Variants in CRB1 observed in about 807,000 individuals in gnomAD.
CRB1 encodes protein crumbs homolog 1.
In CRB1, 83 loss-of-function variants were observed where a neutral mutation model predicts 120.0. The ratio of observed to expected loss-of-function variants is 0.69; its 90% CI spans 0.58 to 0.83. The LOEUF (loss-of-function observed/expected upper bound fraction) is 0.83. Among genes scored for constraint, CRB1 ranks in the 40% least tolerant of loss-of-function variants. The probability of loss-of-function intolerance (pLI) is 0.00; values close to 1 mark genes in which losing one functional copy is unlikely to be tolerated. For synonymous variants in CRB1, 625 were observed against 612.5 expected (o/e 1.02, Z -0.30); for missense variants, 1,699 against 1,687.6 (o/e 1.01, Z -0.12).
chr1:197,471,630 A>T (rs1666982521), intron 11 of CRB1, among the ~76,000 whole-genome samples: 1 of 152,194 alleles, frequency 6.6e-6, no homozygotes, highest in African/African-American at 2.4e-5. Flanking sequence ...CCTCCTCCTT[A>T]TCCCAGGACA....
At chr1:197,227,824 C>T in the CRB1 span, among the ~76,000 whole-genome samples, 1 of 152,200 alleles carries the variant, frequency 6.6e-6, no homozygotes, top group Non-Finnish European at 1.5e-5. Context: ...CCCGCTCCTG[C>T]AGCAAACTTT....
rs1215864611 is a variant in CRB1 at position 197,421,165 on chromosome 1, C to T, written c.1337C>T (p.Thr446Ile). Residue 446 changes from threonine (T) to isoleucine (I), a missense_variant, in exon 6 of 12, where the codon ACC becomes ATC. Thr to Ile is a moderately conservative substitution (Grantham distance 89). Coordinates refer to ENST00000367400, the MANE Select transcript of CRB1 (RefSeq NM_201253.3). Reference sequence around the variant, plus strand: ...TGTTCTGATATTCTCCTGGGCTGTACCCATCAGCAATGTCTAAATAATGGA... The same window carrying T: ...TGTTCTGATATTCTCCTGGGCTGTATCCATCAGCAATGTCTAAATAATGGA... ...RDCSDILLGC[T>I]HQQCLNNGTC... The T allele has an allele frequency of 1.9e-6, 3 of 1,614,084 alleles. No homozygotes were observed. In the South Asian group the frequency reaches 3.3e-5, roughly 18 times the overall value.
chr1:197,247,485 G>A, the CRB1 span, among the ~76,000 whole-genome samples: 1 of 151,964 alleles, frequency 6.6e-6, no homozygotes, highest in Non-Finnish European at 1.5e-5. Flanking sequence ...CCTTTCAAGG[G>A]CACTTAGCAG....
chr1:197,275,332 T>C (rs935386446), intron 1 of CRB1, among the ~76,000 whole-genome samples: 2 of 152,082 alleles, frequency 1.3e-5, no homozygotes, highest in East Asian at 1.9e-4. Context: ...AACTCTGATA[T>C]ATGATTTAAA....
the CRB1 span, among the ~76,000 whole-genome samples, chr1:197,228,967 C>A: frequency 6.6e-6 from 1 of 152,256 alleles, no homozygotes; most frequent in East Asian, 1.9e-4. Flanking sequence ...ACCATGAGAA[C>A]AGTATGAGGG....
intron 11 of CRB1, among the ~76,000 whole-genome samples, chr1:197,448,767 T>C (rs552186717): frequency 6.6e-6 from 1 of 152,342 alleles, no homozygotes; most frequent in Admixed American, 6.5e-5. Flanking sequence ...TATTTTGTAC[T>C]TCTTTTTCTA....
intron 5 of CRB1, among the ~76,000 whole-genome samples, chr1:197,369,147 C>G (rs1196391372): frequency 1.3e-5 from 2 of 152,094 alleles, no homozygotes; most frequent in African/African-American, 4.8e-5. Context: ...ATCTTGACAT[C>G]CCATGCTTTT....
intron 5 of CRB1, among the ~76,000 whole-genome samples, chr1:197,389,707 C>T (rs1662397461): frequency 7.2e-6 from 1 of 138,968 alleles, no homozygotes; most frequent in African/African-American, 2.4e-5. Flanking sequence ...TATATTTTAC[C>T]ACAATAAAAA....
chr1:197,432,357 AACACACACACACACACACACACAC>A (rs35921087), intron 8 of CRB1, among the ~76,000 whole-genome samples: 2 of 139,848 alleles, frequency 1.4e-5, no homozygotes, highest in African/African-American at 2.7e-5. Flanking sequence ...ACCTGGTTGA[AACACACACACACACACACACACAC>A]ACACACACAC....
chr1:197,389,831 T>A (rs1210046574), intron 5 of CRB1, among the ~76,000 whole-genome samples: 2 of 152,114 alleles, frequency 1.3e-5, no homozygotes, highest in Non-Finnish European at 2.9e-5. Flanking sequence ...TGAGGCATTT[T>A]GTTGCAGTTT....
intron 5 of CRB1, among the ~76,000 whole-genome samples, chr1:197,406,718 A>G (rs1010103044): frequency 2.6e-5 from 4 of 151,826 alleles, no homozygotes; most frequent in African/African-American, 9.7e-5. Flanking sequence ...TAACTTTAAA[A>G]TTAGAGGGAT....
rs541694389 is a variant in CRB1 at position 197,323,785 on chromosome 1, C to T, written c.71-4637C>T. ...CACTTGGTCCCTTACCCTACCTAAC[C>T]CTAACGCCCAAGACCTGATCCAAGC... On this transcript the variant is annotated intron_variant, in intron 1 of 11. Transcript: ENST00000367400. Among the ~76,000 whole-genome samples, 137 of 152,180 alleles carry T rather than the reference C, an allele frequency of 9.0e-4. 1 individual carries two copies. Among genetic ancestry groups the T allele is most frequent in the African/African-American group, 3.1e-3 (127 of 41,514 alleles).
the CRB1 span, among the ~76,000 whole-genome samples, chr1:197,225,664 C>T: frequency 6.6e-6 from 1 of 152,232 alleles, no homozygotes; most frequent in African/African-American, 2.4e-5. Flanking sequence ...CTCTTTTCCA[C>T]TACCTGCAAT....
rs140658046 is a variant in CRB1 at position 197,372,207 on chromosome 1, C to T, written c.1171+15194C>T. On this transcript the variant is annotated intron_variant, in intron 5 of 11. Coordinates refer to ENST00000367400, the MANE Select transcript of CRB1 (RefSeq NM_201253.3). ...ACATTTCAACTCTACTCCCCAGGGC[C>T]CTGGACTCAGCCAATTGTACATAAG... 7.2e-4 allele frequency among the ~76,000 whole-genome samples: 109 copies of T among 152,216 alleles called. No individual in the cohort carries two copies. In the East Asian group the frequency reaches 0.02, roughly 28 times the overall value.
intron 5 of CRB1, among the ~76,000 whole-genome samples, chr1:197,377,763 T>C (rs1661724681): frequency 6.6e-6 from 1 of 152,202 alleles, no homozygotes; most frequent in South Asian, 2.1e-4. Flanking sequence ...TTATATGAGC[T>C]TACATTTTTA....
rs2125469903 is a variant in CRB1 at position 197,421,353 on chromosome 1, A to G, written c.1525A>G (p.Asn509Asp). 1 of 1,614,244 alleles carries G rather than the reference A, an allele frequency of 6.2e-7. No individual in the cohort carries two copies. The highest frequency in any genetic ancestry group is 2.2e-5 in the East Asian group (1 of 44,886). The change falls in exon 6 of 12, where the codon AAC becomes GAC. Residue 509 changes from asparagine to aspartate, a missense_variant. Physicochemically the swap from Asn to Asp is conservative, Grantham distance 23 (BLOSUM62 1). Coordinates refer to ENST00000367400, the MANE Select transcript of CRB1 (RefSeq NM_201253.3). ...AGTGACAACCAAGGGCTCAGTTTGT[A>G]ACATAGCCCTCAGGTTTCAGACTGT... ...GSVTTKGSVC[N>D]IALRFQTVQP...
intron 1 of CRB1, among the ~76,000 whole-genome samples, chr1:197,316,643 T>C (rs1217894511): frequency 3.9e-5 from 6 of 152,224 alleles, no homozygotes; most frequent in African/African-American, 1.4e-4. Context: ...AATTTATACA[T>C]GCCATTTTTG....
At chr1:197,273,953 G>T (rs1481829207) in intron 1 of CRB1, among the ~76,000 whole-genome samples, 1 of 151,972 alleles carries the variant, frequency 6.6e-6, no homozygotes, top group Non-Finnish European at 1.5e-5. Context: ...TGCTGCTGGG[G>T]TGTCAGGTCT....
intron 5 of CRB1, among the ~76,000 whole-genome samples, chr1:197,375,858 A>G (rs1661618935): frequency 6.6e-6 from 1 of 152,132 alleles, no homozygotes; most frequent in Non-Finnish European, 1.5e-5. Context: ...CCTCTTCTGT[A>G]TTCCACCCTC....
Sources: allele counts gnomAD v4.1 joint callset (sites outside exome capture counted in the v4.1 genomes callset), GRCh38; gene constraint gnomAD v4.1.1; transcripts MANE v1.5; gene names NCBI Gene and HGNC (gene_info 2026-07-23, HGNC 2026-07-21).